The following DEFB119 variants were observed in gnomAD, a reference collection of about 807,000 sequenced individuals.
The protein encoded by DEFB119 is defensin beta 119, also known as beta-defensin 119.
Under a neutral mutation model 2.5 loss-of-function variants are expected in DEFB119, and 3 were observed. The observed-to-expected ratio is 1.19, with a 90% confidence interval of 0.54 to 3.07. DEFB119 has a LOEUF of 3.07. DEFB119 is among the 30% of genes most tolerant of loss of function. The pLI is 0.03. For missense variants in DEFB119, 113 were observed against 101.1 expected (o/e 1.12, Z -0.50); for synonymous variants, 29 against 33.7 (o/e 0.86, Z 0.48).
intron 1 of DEFB119, chr20:31,389,029 C>A: frequency 6.2e-7 from 1 of 1,613,826 alleles, no homozygotes. Context: ...TCATTTCTAT[C>A]TATTAGTTAT....
intron 1 of DEFB119, among the ~76,000 whole-genome samples, chr20:31,380,619 G>A (rs566400426): frequency 6.6e-6 from 1 of 151,584 alleles, no homozygotes; most frequent in South Asian, 2.1e-4. Flanking sequence ...TTAGGTTTAG[G>A]TTTAGATTTT....
intron 1 of DEFB119, among the ~76,000 whole-genome samples, chr20:31,384,533 A>G (rs1473900527): frequency 6.6e-6 from 1 of 152,222 alleles, no homozygotes; most frequent in Non-Finnish European, 1.5e-5. Context: ...AAGATCTGAG[A>G]ATCAAAGTGA....
chr20:31,383,751 G>T (rs907543127), intron 1 of DEFB119, among the ~76,000 whole-genome samples: 2 of 152,046 alleles, frequency 1.3e-5, no homozygotes, highest in Non-Finnish European at 2.9e-5. Context: ...GCTGAGACAG[G>T]AGAGTGGCGT....
At chr20:31,383,772 G>A (rs1414532900) in intron 1 of DEFB119, among the ~76,000 whole-genome samples, 1 of 151,854 alleles carries the variant, frequency 6.6e-6, no homozygotes, top group African/African-American at 2.4e-5. Context: ...GAACCCGGGA[G>A]GCGGAGCTTG....
At chr20:31,389,514 C>T (rs904589894) in intron 1 of DEFB119, among the ~76,000 whole-genome samples, 1 of 152,104 alleles carries the variant, frequency 6.6e-6, no homozygotes, top group Non-Finnish European at 1.5e-5. Context: ...ACTTTGGAAT[C>T]AACTGAAGCT....
chr20:31,382,119 C>T (rs1259700681), intron 1 of DEFB119, among the ~76,000 whole-genome samples: 1 of 152,182 alleles, frequency 6.6e-6, no homozygotes, highest in Non-Finnish European at 1.5e-5. Context: ...GAACCAATAT[C>T]AGTTTCCTGG....
chr20:31,382,131 T>C (rs570580222), intron 1 of DEFB119, among the ~76,000 whole-genome samples: 1 of 152,206 alleles, frequency 6.6e-6, no homozygotes, highest in Non-Finnish European at 1.5e-5. Flanking sequence ...GTTTCCTGGT[T>C]TTCATATTGT....
At chr20:31,379,525 C>T (rs1019328502) in intron 1 of DEFB119, among the ~76,000 whole-genome samples, 1 of 151,026 alleles carries the variant, frequency 6.6e-6, no homozygotes, top group Non-Finnish European at 1.5e-5. Context: ...GAAGAAGTCT[C>T]GCTTTGTCGC....
At position 31,381,480 on chromosome 20, in the gene DEFB119, C is replaced by T. The variant is rs971326280; in HGVS notation, c.62-4041G>A. Among the ~76,000 whole-genome samples the T allele has an allele frequency of 4.6e-5, 7 of 152,244 alleles. No homozygotes were observed. The South Asian group carries it at 6.2e-4, about 14-fold the overall frequency. The stretch of plus-strand genomic sequence containing the variant: ...TAGAAATACTCAGAACTAAAAGGAA[C>T]GAATTATTGATACACATAGTGTGGA... On this transcript the variant is annotated intron_variant, in intron 1 of 1. Transcript: ENST00000376321.
chr20:31,385,738 C>T (rs1020288638), intron 1 of DEFB119, among the ~76,000 whole-genome samples: 5 of 151,964 alleles, frequency 3.3e-5, no homozygotes, highest in Non-Finnish European at 5.9e-5. Flanking sequence ...GGCATGGTAG[C>T]GCACACGTGT....
chr20:31,382,218 G>A (rs1414726565), intron 1 of DEFB119, among the ~76,000 whole-genome samples: 1 of 152,100 alleles, frequency 6.6e-6, no homozygotes, highest in African/African-American at 2.4e-5. Context: ...GTAACTTCCT[G>A]TGAATCTACA....
At chr20:31,384,410 T>C (rs1157883960) in intron 1 of DEFB119, among the ~76,000 whole-genome samples, 2 of 152,162 alleles carry the variant, frequency 1.3e-5, no homozygotes, top group Non-Finnish European at 1.5e-5. Context: ...CCCGTAAATA[T>C]ATACACCTAC....
intron 1 of DEFB119, chr20:31,378,406 A>T (rs1986381735): frequency 1.9e-6 from 3 of 1,614,038 alleles, no homozygotes; most frequent in Middle Eastern, 3.3e-4. Context: ...ATCAGAGGAG[A>T]CAAGCCAACA....
At chr20:31,377,914 C>G (rs911866955) in intron 1 of DEFB119, among the ~76,000 whole-genome samples, 12 of 152,218 alleles carry the variant, frequency 7.9e-5, no homozygotes, top group Non-Finnish European at 1.6e-4. Flanking sequence ...AACCACTCCA[C>G]TCCAGGAAAA....
rs924593833 is a variant in DEFB119, at chr20:31,377,274, T to C, written c.227A>G (p.Tyr76Cys). The C allele has an allele frequency of 9.3e-6, 15 of 1,613,742 alleles. 1 individual carries two copies. The highest frequency in any genetic ancestry group is 3.3e-5 in the Admixed American group (2 of 59,968). Reference protein sequence around the residue: ...SGKEENTDWSYEKQWPRLP With the variant: ...SGKEENTDWSCEKQWPRLP ...AGGTAGTCTTGGCCACTGCTTCTCA[T>C]AAGACCAGTCGGTATTTTCCTCTTT... is the stretch of plus-strand genomic sequence containing the variant. Residue 76 changes from tyrosine (Y) to cysteine (C), a missense_variant, in exon 2 of 2, where the codon TAT becomes TGT. Physicochemically the swap from Tyr to Cys is radical, Grantham distance 194. Coordinates refer to ENST00000376321, the MANE Select transcript of DEFB119 (RefSeq NM_153289.4).
At chr20:31,390,612 A>G, upstream of DEFB119, 1 of 833,860 alleles carries the variant, frequency 1.2e-6, no homozygotes, top group South Asian at 1.6e-5. Flanking sequence ...ACAGGAGGGG[A>G]TTTATATGAG....
Position 31,378,135 on chromosome 20 carries a change from C to T in DEFB119, c.62-696G>A, listed in dbSNP as rs190044567. On this transcript the variant is annotated intron_variant, in intron 1 of 1. Transcript: ENST00000376321. The stretch of plus-strand genomic sequence containing the variant: ...GGAATCATGTGGGAAGCCTCGACTT[C>T]CCCTATCTGGTGGGAAGAAGGCATC... Among the ~76,000 whole-genome samples, 90 of 152,310 alleles carry T rather than the reference C, an allele frequency of 5.9e-4. 2 individuals are homozygous for T. The highest frequency in any genetic ancestry group is 9.7e-4 in the Non-Finnish European group (66 of 68,024).
At chr20:31,381,370 T>A (rs1182878050) in intron 1 of DEFB119, among the ~76,000 whole-genome samples, 1 of 152,272 alleles carries the variant, frequency 6.6e-6, no homozygotes, top group African/African-American at 2.4e-5. Flanking sequence ...TAAACCATTA[T>A]GACATCTTCA....
chr20:31,377,188 G>A lies in DEFB119; in HGVS notation c.*58C>T. ...GTAGCAGGCACATGAATTTTAATGA[G>A]GGGGGTTGACAGCAGGTCTCTGTGC... On this transcript the variant is annotated 3_prime_UTR_variant, in exon 2 of 2. Coordinates refer to ENST00000376321, the MANE Select transcript of DEFB119 (RefSeq NM_153289.4). 1 of 1,496,332 alleles carries A rather than the reference G, an allele frequency of 6.7e-7. No individual in the cohort carries two copies. The highest frequency in any genetic ancestry group is 9.0e-7 in the Non-Finnish European group (1 of 1,112,422). 92.7% of individuals were successfully genotyped at this position (1,496,332 alleles called of 1,614,324 possible). A position where few individuals can be genotyped will look rare whatever the true frequency, so the allele number is the denominator to read the frequency against.
Sources: gnomAD v4.1 joint callset for allele counts (sites outside exome capture counted in the v4.1 genomes callset) on GRCh38, gnomAD v4.1.1 for gene constraint, MANE v1.5 for transcripts, NCBI Gene and HGNC (gene_info 2026-07-23, HGNC 2026-07-21) for gene names.